MBNL1: variants seen among roughly 807,000 people sequenced by gnomAD.
MBNL1 encodes muscleblind-like protein 1.
MBNL1 carries 8 observed loss-of-function variants against 42.2 expected under a neutral mutation model. The observed-to-expected ratio is 0.19, with a 90% CI of 0.11 to 0.34. The LOEUF is 0.34. Ranked by LOEUF, MBNL1 falls within the 10% of genes least tolerant of loss-of-function variation. MBNL1 has a pLI of 1.00. For synonymous variants in MBNL1, 169 were observed against 173.9 expected, an observed-to-expected ratio of 0.97 and a Z score of 0.22; for missense variants, 309 against 495.3, an observed-to-expected ratio of 0.62 and a Z score of 3.57.
intron 3 of MBNL1, among the ~76,000 whole-genome samples, chr3:152,427,392 T>C (rs1467763418): frequency 2.6e-5 from 4 of 152,184 alleles, no homozygotes. Context: ...CGTCATTTGC[T>C]ACCCTTTTTT....
intron 3 of MBNL1, 37 bp from the exon 4 acceptor site, chr3:152,432,680 C>G: frequency 6.4e-7 from 1 of 1,568,442 alleles, no homozygotes; most frequent in Non-Finnish European, 8.8e-7. Context: ...TGAGCTGAGA[C>G]CTGCATGTTA....
chr3:152,457,949 G>GAT (rs970346657), intron 8 of MBNL1: 28 of 527,968 alleles, frequency 5.3e-5, no homozygotes, highest in South Asian at 1.7e-4. Context: ...AAAGGGAATG[G>GAT]ATATATATAT....
chr3:152,440,164 G>T (rs1560602446), intron 4 of MBNL1, among the ~76,000 whole-genome samples: 1 of 152,168 alleles, frequency 6.6e-6, no homozygotes, highest in Non-Finnish European at 1.5e-5. Flanking sequence ...TTCAAAGAAT[G>T]CTCCCATTTG....
chr3:152,256,086 C>G (rs1376375346), intron 2 of MBNL1, among the ~76,000 whole-genome samples: 3 of 152,020 alleles, frequency 2.0e-5, no homozygotes, highest in Non-Finnish European at 4.4e-5. Context: ...GATGGGAATG[C>G]AATGAATGAC....
chr3:152,331,306 T>C (rs900458068), intron 2 of MBNL1, among the ~76,000 whole-genome samples: 17 of 152,192 alleles, frequency 1.1e-4, no homozygotes, highest in Non-Finnish European at 2.4e-4. Flanking sequence ...AGTCCTTCCT[T>C]TTCCTGGTTT....
intron 2 of MBNL1, among the ~76,000 whole-genome samples, chr3:152,364,284 A>T (rs149518378): frequency 1.3e-5 from 2 of 152,090 alleles, no homozygotes; most frequent in African/African-American, 4.8e-5. Flanking sequence ...TCTGTACACA[A>T]TGTAGCTATA....
chr3:152,459,051 G>T, intron 8 of MBNL1: 1 of 366,886 alleles, frequency 2.7e-6, no homozygotes, highest in Admixed American at 4.7e-5. Flanking sequence ...CTAAAAGCTG[G>T]TAACATTTAT....
chr3:152,285,618 T>C (rs555601473), intron 1 of MBNL1, among the ~76,000 whole-genome samples: 2 of 148,440 alleles, frequency 1.3e-5, no homozygotes, highest in East Asian at 2.0e-4. Context: ...GTGGAAACTT[T>C]TTTTTTTTCA....
At chr3:152,309,135 T>A (rs1560082863) in intron 2 of MBNL1, among the ~76,000 whole-genome samples, 1 of 152,148 alleles carries the variant, frequency 6.6e-6, no homozygotes. Context: ...GTGGTTTATC[T>A]TTCCTTTTTC....
rs141393481 is a variant in MBNL1, at chr3:152,300,214, A to G, written c.21A>G (p.Pro7=). 13 of 1,607,562 alleles carry G rather than the reference A, an allele frequency of 8.1e-6. No homozygotes were observed. Among genetic ancestry groups the G allele is most frequent in the African/African-American group, 5.4e-5 (4 of 74,612 alleles). ...TAAACATGGCTGTTAGTGTCACACC[A>G]ATTCGGGACACAAAATGGCTAACAC... The part of the protein sequence containing the change: MAVSVT[P]IRDTKWLTLE... Residue 7 remains proline, a synonymous_variant, in exon 2 of 10, where the codon CCA becomes CCG. Transcript: ENST00000324210.
At chr3:152,341,727 C>A (rs1395990061) in intron 2 of MBNL1, among the ~76,000 whole-genome samples, 4 of 152,130 alleles carry the variant, frequency 2.6e-5, no homozygotes, top group African/African-American at 9.7e-5. Flanking sequence ...TAATAAATTT[C>A]TCAGCCTCAT....
intron 3 of MBNL1, among the ~76,000 whole-genome samples, chr3:152,420,633 A>C (rs947116344): frequency 6.6e-6 from 1 of 152,246 alleles, no homozygotes; most frequent in Admixed American, 6.5e-5. Flanking sequence ...TCAAAGACCA[A>C]AGGTAGGTAA....
chr3:152,430,372 A>G (rs974806142), intron 3 of MBNL1, among the ~76,000 whole-genome samples: 4 of 152,354 alleles, frequency 2.6e-5, no homozygotes, highest in African/African-American at 9.6e-5. Flanking sequence ...TTAAAAATGC[A>G]CTATCTGGAA....
intron 2 of MBNL1, among the ~76,000 whole-genome samples, chr3:152,246,074 A>G (rs951816872): frequency 6.6e-6 from 1 of 152,188 alleles, no homozygotes; most frequent in Non-Finnish European, 1.5e-5. Context: ...ACAGAGCCAG[A>G]TTCTGTCTCT....
At chr3:152,338,403 C>T (rs2152781398) in intron 2 of MBNL1, 1 of 985,366 alleles carries the variant, frequency 1.0e-6, no homozygotes, top group Non-Finnish European at 1.2e-6. Flanking sequence ...GGGAATATTC[C>T]TCCCCCTGCT....
chr3:152,401,952 A>T (rs2098241752), intron 2 of MBNL1, among the ~76,000 whole-genome samples: 1 of 151,786 alleles, frequency 6.6e-6, no homozygotes, highest in Admixed American at 6.6e-5. Context: ...GAATGGCGTG[A>T]ACCTGGGAGG....
At chr3:152,249,335 T>C (rs1405629609) in intron 2 of MBNL1, among the ~76,000 whole-genome samples, 6 of 141,708 alleles carry the variant, frequency 4.2e-5, no homozygotes, top group South Asian at 2.4e-4. Context: ...TGGTATCTCA[T>C]TGTGGTTTTG....
At chr3:152,317,465 A>G (rs1294407190) in intron 2 of MBNL1, among the ~76,000 whole-genome samples, 2 of 152,050 alleles carry the variant, frequency 1.3e-5, no homozygotes, top group African/African-American at 4.8e-5. Context: ...GATTACAGGC[A>G]TGCACCACCA....
At chr3:152,264,023 A>G (rs2036767153), upstream of MBNL1, 2 of 151,648 alleles carry the variant, frequency 1.3e-5, no homozygotes, top group African/African-American at 4.8e-5. Context: ...TTGCCTGCAT[A>G]TGACCAGCTC....
Sources: allele counts gnomAD v4.1 joint callset (sites outside exome capture counted in the v4.1 genomes callset), GRCh38; gene constraint gnomAD v4.1.1; transcripts MANE v1.5; gene names NCBI Gene and HGNC (gene_info 2026-07-23, HGNC 2026-07-21).